The following PIWIL2 variants were observed in gnomAD, a reference collection of about 807,000 sequenced individuals.
The protein encoded by PIWIL2 is piwi like RNA-mediated gene silencing 2.
Under a neutral mutation model 116.5 loss-of-function variants are expected in PIWIL2, and 81 were observed. The ratio of observed to expected loss-of-function variants is 0.70; its 90% confidence interval spans 0.58 to 0.84. The LOEUF (loss-of-function observed/expected upper bound fraction) is 0.84, where lower values mean the gene tolerates loss of function less well. PIWIL2 is among the 40% of genes least tolerant of loss of function. PIWIL2 has a pLI of 0.00. For synonymous variants in PIWIL2, 489 were observed against 429.5 expected (o/e 1.14, Z -1.71); for missense variants, 1,272 against 1,212.3 (o/e 1.05, Z -0.73).
At chr8:22,329,263 A>G (rs992162240) in intron 20 of PIWIL2, among the ~76,000 whole-genome samples, 1 of 152,218 alleles carries the variant, frequency 6.6e-6, no homozygotes, top group Non-Finnish European at 1.5e-5. Context: ...TAGTTGTGTC[A>G]GGCCATTCTT....
At chr8:22,329,730 A>T (rs1350679708) in intron 20 of PIWIL2, among the ~76,000 whole-genome samples, 2 of 152,206 alleles carry the variant, frequency 1.3e-5, no homozygotes, top group East Asian at 3.8e-4. Flanking sequence ...GTATAGTTCT[A>T]TTCTCTCCCA....
intron 20 of PIWIL2, among the ~76,000 whole-genome samples, chr8:22,341,523 AGGCGAAGGTTGCGGT>A (rs1219419194): frequency 1.4e-5 from 2 of 146,192 alleles, no homozygotes; most frequent in Non-Finnish European, 3.0e-5. Flanking sequence ...TAAACCTGGG[AGGCGAAGGTTGCGGT>A]GAACCAGGAT....
At chr8:22,350,095 T>C (rs1294630608) in intron 20 of PIWIL2, among the ~76,000 whole-genome samples, 2 of 152,192 alleles carry the variant, frequency 1.3e-5, no homozygotes, top group East Asian at 1.9e-4. Context: ...ATGTAGATTC[T>C]GCAGTGCACA....
intron 8 of PIWIL2, among the ~76,000 whole-genome samples, chr8:22,289,152 C>CTTTT (rs374688951): frequency 2.2e-5 from 3 of 135,286 alleles, no homozygotes; most frequent in Non-Finnish European, 4.8e-5. Context: ...TTTCTTTTTT[C>CTTTT]TTTTTTTTTT....
In PIWIL2 at chr8:22,343,422, C is replaced by T. The variant is rs867094656; in HGVS notation, c.2404-9537C>T. ...TGCACTCCAGCCTGGGCAGCAAGAG[C>T]GAAACTCCATCTCAAAAAAAAAAAA... On this transcript the variant is annotated intron_variant, in intron 20 of 22. Transcript: ENST00000356766. Among the ~76,000 whole-genome samples, 43 of 149,760 alleles carry T rather than the reference C, an allele frequency of 2.9e-4. 1 individual carries two copies. The highest frequency in any genetic ancestry group is 7.9e-4 in the African/African-American group (32 of 40,366).
intron 1 of PIWIL2, among the ~76,000 whole-genome samples, chr8:22,277,323 A>G (rs766275564): frequency 3.3e-5 from 5 of 151,896 alleles, no homozygotes; most frequent in Non-Finnish European, 4.4e-5. Context: ...TGCCCGACCT[A>G]CAGGTTATGA....
intron 20 of PIWIL2, among the ~76,000 whole-genome samples, chr8:22,322,947 T>C (rs1831636702): frequency 6.6e-6 from 1 of 152,086 alleles, no homozygotes; most frequent in South Asian, 2.1e-4. Flanking sequence ...AGGCAGAGTC[T>C]CTCTCTGTTG....
rs1370816148 is a variant in PIWIL2, at chr8:22,357,201, T to C, written c.*1696T>C. 6.6e-6 allele frequency: 1 copy of C among 152,186 alleles called. No individual in the cohort carries two copies. 9.4% of individuals were successfully genotyped at this position (152,186 alleles called of 1,614,324 possible). ...AAAACCAAGAATGTTTTTGGTTTGT[T>C]GCGGTGCCCAGCCGAGGTTGAGGAG... On this transcript the variant is annotated 3_prime_UTR_variant, in exon 23 of 23. Transcript: ENST00000356766.
At chr8:22,338,497 C>A (rs182604410) in intron 20 of PIWIL2, among the ~76,000 whole-genome samples, 1 of 152,044 alleles carries the variant, frequency 6.6e-6, no homozygotes, top group Non-Finnish European at 1.5e-5. Context: ...TTGAGACCAG[C>A]CTGGCCAACA....
At chr8:22,299,201 CTTTTTTCTT>C (rs1398279095) in intron 10 of PIWIL2, among the ~76,000 whole-genome samples, 3 of 149,036 alleles carry the variant, frequency 2.0e-5, no homozygotes, top group African/African-American at 4.9e-5. Flanking sequence ...TTTTAATGAT[CTTTTTTCTT>C]TTTTTTCTTT....
chr8:22,306,475 GC>G (rs1435008775), intron 13 of PIWIL2, among the ~76,000 whole-genome samples: 1 of 152,130 alleles, frequency 6.6e-6, no homozygotes, highest in Non-Finnish European at 1.5e-5. Context: ...ATCTTGTGGG[GC>G]CCTGAGTGTC....
intron 1 of PIWIL2, among the ~76,000 whole-genome samples, chr8:22,276,306 C>T (rs991298008): frequency 6.6e-6 from 1 of 152,014 alleles, no homozygotes; most frequent in African/African-American, 2.4e-5. Flanking sequence ...CTTAAGACAG[C>T]TTTTTTGTTT....
chr8:22,307,408 A>T (rs924236138), intron 13 of PIWIL2, among the ~76,000 whole-genome samples: 57 of 151,612 alleles, frequency 3.8e-4, no homozygotes, highest in African/African-American at 1.2e-3. Flanking sequence ...ATGCTTTGAG[A>T]AAGAAATAAG....
chr8:22,310,319 A>C (rs186263609), intron 15 of PIWIL2, among the ~76,000 whole-genome samples: 1 of 152,104 alleles, frequency 6.6e-6, no homozygotes, highest in Non-Finnish European at 1.5e-5. Context: ...CATAGTGCCA[A>C]CCTGTTACCC....
At position 22,349,355 on chromosome 8, in the gene PIWIL2, C is replaced by T. The variant is rs187350713; in HGVS notation, c.2404-3604C>T. Among the ~76,000 whole-genome samples, 95 of 148,282 alleles carry T rather than the reference C, an allele frequency of 6.4e-4. 1 individual carries two copies. Among genetic ancestry groups the T allele is most frequent in the Admixed American group, 5.8e-3 (85 of 14,752 alleles). On this transcript the variant is annotated intron_variant, in intron 20 of 22. Transcript: ENST00000356766. Reference sequence around the variant, plus strand: ...TTTATTAAGTCCCTTCTTTGTGCTTCGGAATATCTGTATATCCTTGATCTA... The same window carrying T: ...TTTATTAAGTCCCTTCTTTGTGCTTTGGAATATCTGTATATCCTTGATCTA...
intron 10 of PIWIL2, among the ~76,000 whole-genome samples, chr8:22,298,054 C>T (rs1045970072): frequency 7.9e-5 from 12 of 152,158 alleles, no homozygotes; most frequent in African/African-American, 2.6e-4. Context: ...CCCAAGAGTT[C>T]GAAACCAGCC....
At chr8:22,276,536 G>C (rs965623905) in intron 1 of PIWIL2, among the ~76,000 whole-genome samples, 1 of 152,024 alleles carries the variant, frequency 6.6e-6, no homozygotes, top group African/African-American at 2.4e-5. Context: ...GGCTGGTCTC[G>C]AACCCCTGAC....
chr8:22,355,271 G>GT, intron 22 of PIWIL2, 78 bp from the exon 23 acceptor site: 1 of 1,407,690 alleles, frequency 7.1e-7, no homozygotes, highest in East Asian at 2.3e-5. Context: ...TCATATCCCC[G>GT]TGACTATTGT....
In PIWIL2 at chr8:22,352,943, C is replaced by T; in HGVS notation, c.2404-16C>T. ...TGAGGGCTCTGTGAGTCACCACATC[C>T]TCGCTGTCATTTCAGGTGAACCACT... is the stretch of plus-strand genomic sequence containing the variant. On this transcript the variant is annotated splice_polypyrimidine_tract_variant and intron_variant, in intron 20 of 22. Coordinates refer to ENST00000356766, the MANE Select transcript of PIWIL2 (RefSeq NM_018068.5). The T allele has an allele frequency of 6.2e-7, 1 of 1,601,874 alleles. No homozygotes were observed. The highest frequency in any genetic ancestry group is 1.1e-5 in the South Asian group (1 of 89,092).
Sources: gnomAD v4.1 joint callset for allele counts (sites outside exome capture counted in the v4.1 genomes callset) on GRCh38, gnomAD v4.1.1 for gene constraint, MANE v1.5 for transcripts, NCBI Gene and HGNC (gene_info 2026-07-23, HGNC 2026-07-21) for gene names.